The following MECOM variants were observed in gnomAD, a reference collection of about 807,000 sequenced individuals.
MECOM encodes MDS1 and EVI1 complex locus.
A neutral mutation model predicts 116.3 loss-of-function variants in MECOM; 13 were observed. The ratio of observed to expected loss-of-function variants is 0.11; its 90% CI spans 0.07 to 0.18. The LOEUF (loss-of-function observed/expected upper bound fraction) is 0.18, where lower values mean the gene tolerates loss of function less well. Ranked by LOEUF, MECOM falls within the 10% of genes least tolerant of loss-of-function variation. The pLI is 1.00. For synonymous variants in MECOM, 528 were observed against 535.2 expected, an observed-to-expected ratio of 0.99 and a Z score of 0.19; for missense variants, 1,299 against 1,509.0, an observed-to-expected ratio of 0.86 and a Z score of 2.31.
intron 1 of MECOM, among the ~76,000 whole-genome samples, chr3:169,600,617 G>A (rs1767722643): frequency 6.6e-6 from 1 of 152,178 alleles, no homozygotes; most frequent in South Asian, 2.1e-4. Flanking sequence ...CCCACTCCAG[G>A]AAACTCGGCT....
At position 169,362,092 on chromosome 3, in the gene MECOM, T is replaced by C. The variant is rs528518098; in HGVS notation, c.375+19095A>G. Among the ~76,000 whole-genome samples, 11 of 152,076 alleles carry C rather than the reference T, an allele frequency of 7.2e-5. No homozygotes were observed. In the South Asian group the frequency reaches 2.3e-3, roughly 32 times the overall value. On this transcript the variant is annotated intron_variant, in intron 2 of 16. Transcript: ENST00000651503. Reference sequence around the variant, plus strand: ...ATAAAACAAGTATCTATTTTCTATGTAATTTAAAGTTAACTTGTATTCTTC... The same window carrying C: ...ATAAAACAAGTATCTATTTTCTATGCAATTTAAAGTTAACTTGTATTCTTC...
chr3:169,390,419 C>G (rs1222063327), intron 1 of MECOM, among the ~76,000 whole-genome samples: 1 of 152,142 alleles, frequency 6.6e-6, no homozygotes, highest in African/African-American at 2.4e-5. Context: ...GTTATTCTCA[C>G]ATTAAGTAGA....
intron 2 of MECOM, among the ~76,000 whole-genome samples, chr3:169,267,762 ATT>A (rs35630450): frequency 4.3e-4 from 65 of 149,834 alleles, no homozygotes; most frequent in African/African-American, 1.6e-3. Flanking sequence ...AGCATAGTCC[ATT>A]TTTTTTTTCA....
intron 2 of MECOM, among the ~76,000 whole-genome samples, chr3:169,184,304 T>A (rs1746431326): frequency 6.6e-6 from 1 of 151,974 alleles, no homozygotes; most frequent in Non-Finnish European, 1.5e-5. Context: ...AACGTGACCA[T>A]GGACTTCAAA....
intron 1 of MECOM, among the ~76,000 whole-genome samples, chr3:169,508,172 A>G (rs996234642): frequency 6.6e-6 from 1 of 151,692 alleles, no homozygotes; most frequent in Non-Finnish European, 1.5e-5. Context: ...GGGTCCCTCC[A>G]CATTCACCCC....
chr3:169,327,552 T>C (rs1461035410), intron 2 of MECOM, among the ~76,000 whole-genome samples: 1 of 148,754 alleles, frequency 6.7e-6, no homozygotes, highest in Non-Finnish European at 1.5e-5. Context: ...GCGGGAGAAT[T>C]GCTTGAAGCC....
At position 169,633,902 on chromosome 3, in the gene MECOM, CAA is replaced by C. The variant is rs3045472; in HGVS notation, c.37+29432_37+29433del. On this transcript the variant is annotated intron_variant, in intron 1 of 16. Coordinates refer to ENST00000651503, the MANE Select transcript of MECOM (RefSeq NM_004991.4). ...GAGAGGTAAACAGTAGTGACCCTGGCAAAAAAAAAAAAAAAACAAAAAACAAA... is the reference window on the plus strand; with the variant it reads ...GAGAGGTAAACAGTAGTGACCCTGGCAAAAAAAAAAAAAACAAAAAACAAA... 2.5e-3 allele frequency among the ~76,000 whole-genome samples: 340 copies of C among 137,132 alleles called. 1 individual carries two copies. The highest frequency in any genetic ancestry group is 7.4e-3 in the African/African-American group (272 of 36,868). 90.0% of individuals were successfully genotyped at this position (137,132 alleles called of 152,430 possible). A position where few individuals can be genotyped will look rare whatever the true frequency, so the allele number is the denominator to read the frequency against.
chr3:169,164,764 C>T (rs1743317895), intron 2 of MECOM, among the ~76,000 whole-genome samples: 1 of 152,164 alleles, frequency 6.6e-6, no homozygotes, highest in Admixed American at 6.6e-5. Flanking sequence ...AATTATGTCT[C>T]ATAGCTCAGG....
chr3:169,513,718 A>C (rs569025610), intron 1 of MECOM, among the ~76,000 whole-genome samples: 1 of 152,350 alleles, frequency 6.6e-6, no homozygotes, highest in African/African-American at 2.4e-5. Flanking sequence ...CATTACATAT[A>C]TATTTTAGTA....
intron 1 of MECOM, among the ~76,000 whole-genome samples, chr3:169,465,483 T>C (rs1041572058): frequency 6.6e-6 from 1 of 152,236 alleles, no homozygotes. Context: ...CAGCCATTGA[T>C]TAAATTCCAT....
At chr3:169,405,400 T>A (rs1736536835) in intron 1 of MECOM, among the ~76,000 whole-genome samples, 1 of 152,332 alleles carries the variant, frequency 6.6e-6, no homozygotes, top group African/African-American at 2.4e-5. Flanking sequence ...ATTTTATATG[T>A]TGTAATAATC....
At chr3:169,519,231 A>G (rs375913126) in intron 1 of MECOM, among the ~76,000 whole-genome samples, 1 of 152,216 alleles carries the variant, frequency 6.6e-6, no homozygotes. Context: ...AAAACTATAG[A>G]ATCATATTAT....
intron 2 of MECOM, among the ~76,000 whole-genome samples, chr3:169,367,762 GTAGTCTAT>G (rs1163281777): frequency 6.6e-6 from 1 of 152,054 alleles, no homozygotes; most frequent in African/African-American, 2.4e-5. Flanking sequence ...GGATCTGCAA[GTAGTCTAT>G]TGGCAGTGGG....
intron 2 of MECOM, among the ~76,000 whole-genome samples, chr3:169,373,380 A>G (rs1006806322): frequency 6.6e-6 from 1 of 151,996 alleles, no homozygotes; most frequent in African/African-American, 2.4e-5. Flanking sequence ...GGATTTTCCA[A>G]AGTACCTTAC....
chr3:169,218,282 G>A (rs1034173573), intron 2 of MECOM, among the ~76,000 whole-genome samples: 2 of 152,106 alleles, frequency 1.3e-5, no homozygotes, highest in African/African-American at 4.8e-5. Flanking sequence ...TCTTTAAGAA[G>A]ATAAAACTTT....
intron 1 of MECOM, among the ~76,000 whole-genome samples, chr3:169,620,869 T>C (rs1346949192): frequency 1.3e-5 from 2 of 152,214 alleles, no homozygotes; most frequent in Non-Finnish European, 2.9e-5. Flanking sequence ...GATAGAAGAC[T>C]AAACACTAGG....
chr3:169,182,421 C>T (rs924250614), intron 2 of MECOM, among the ~76,000 whole-genome samples: 14 of 152,164 alleles, frequency 9.2e-5, no homozygotes, highest in Non-Finnish European at 1.3e-4. Flanking sequence ...TTTTGATGCA[C>T]GAGCTCCGCT....
rs143877727 is a variant in MECOM at position 169,327,377 on chromosome 3, C to T, written c.375+53810G>A. On this transcript the variant is annotated intron_variant, in intron 2 of 16. Transcript: ENST00000651503. ...TTAGCTGGCTGGGCACGGTGGCTCACGCCTGTAATCCCAACACTTTGGGAG... is the reference window on the plus strand; with the variant it reads ...TTAGCTGGCTGGGCACGGTGGCTCATGCCTGTAATCCCAACACTTTGGGAG... 6.6e-4 allele frequency among the ~76,000 whole-genome samples: 100 copies of T among 152,098 alleles called. 1 individual carries two copies. Among genetic ancestry groups the T allele is most frequent in the Non-Finnish European group, 1.1e-3 (78 of 67,960 alleles).
intron 1 of MECOM, among the ~76,000 whole-genome samples, chr3:169,619,925 C>T (rs1343684589): frequency 6.6e-6 from 1 of 152,216 alleles, no homozygotes; most frequent in Non-Finnish European, 1.5e-5. Context: ...TGTCCCCCTG[C>T]GGAACCAGCC....
Sources: gnomAD v4.1 joint callset for allele counts (sites outside exome capture counted in the v4.1 genomes callset) on GRCh38, gnomAD v4.1.1 for gene constraint, MANE v1.5 for transcripts, NCBI Gene and HGNC (gene_info 2026-07-23, HGNC 2026-07-21) for gene names.